PTPRS: variants seen among roughly 807,000 people sequenced by gnomAD.
PTPRS encodes the protein protein tyrosine phosphatase receptor type S, also known as receptor-type tyrosine-protein phosphatase S.
PTPRS carries 63 observed loss-of-function variants against 215.3 expected under a neutral mutation model. The observed-to-expected ratio is 0.29, with a 90% CI of 0.24 to 0.36. The LOEUF (loss-of-function observed/expected upper bound fraction) is 0.36. Among genes scored for constraint, PTPRS ranks in the 10% least tolerant of loss-of-function variants. PTPRS has a pLI of 1.00. For synonymous variants in PTPRS, 1,404 were observed against 1,191.4 expected, an observed-to-expected ratio of 1.18 and a Z score of -3.68; for missense variants, 2,258 against 2,825.8, an observed-to-expected ratio of 0.80 and a Z score of 4.56.
chr19:5,246,139 G>A (rs928912153), intron 9 of PTPRS, 94 bp from the exon 10 acceptor site: 4 of 620,594 alleles, frequency 6.4e-6, no homozygotes, highest in South Asian at 7.0e-5. Context: ...AGGAGAAAAA[G>A]AAAAGCAGGA....
chr19:5,331,461 T>C (rs921407665), intron 1 of PTPRS, among the ~76,000 whole-genome samples: 2 of 152,080 alleles, frequency 1.3e-5, no homozygotes, highest in Admixed American at 1.3e-4. Flanking sequence ...CTCAGCACAG[T>C]GTACATGAGG....
chr19:5,219,820 C>T, intron 22 of PTPRS, 119 bp downstream of exon 22: 3 of 1,194,318 alleles, frequency 2.5e-6, no homozygotes, highest in East Asian at 4.7e-5. Flanking sequence ...TTCCCCTCTG[C>T]CCAGCTCTGA....
chr19:5,264,037 G>A (rs1423246229), intron 5 of PTPRS, among the ~76,000 whole-genome samples: 3 of 152,184 alleles, frequency 2.0e-5, no homozygotes, highest in Non-Finnish European at 4.4e-5. Context: ...GGTGCTTTGT[G>A]GAGACACAAT....
chr19:5,278,180 TG>T, intron 2 of PTPRS: 1 of 76,268 alleles, frequency 1.3e-5, no homozygotes, highest in Non-Finnish European at 2.4e-5. Context: ...ATGTAGAAAC[TG>T]CCAAAAAAAA....
intron 1 of PTPRS, among the ~76,000 whole-genome samples, chr19:5,305,927 A>G (rs1056991224): frequency 9.9e-6 from 1 of 101,452 alleles, no homozygotes; most frequent in African/African-American, 4.1e-5. Flanking sequence ...GCGACAGAGC[A>G]AGACTCCGTC....
intron 1 of PTPRS, among the ~76,000 whole-genome samples, chr19:5,298,963 T>C (rs1350444510): frequency 2.0e-5 from 3 of 152,106 alleles, no homozygotes; most frequent in Admixed American, 6.5e-5. Context: ...CTCACGTTTG[T>C]CTCCTAAATT....
At chr19:5,296,699 A>G (rs2049144513) in intron 1 of PTPRS, among the ~76,000 whole-genome samples, 1 of 134,708 alleles carries the variant, frequency 7.4e-6, no homozygotes, top group African/African-American at 2.6e-5. Context: ...CAGAGTGAGG[A>G]AGGGGAGACA....
intron 2 of PTPRS, among the ~76,000 whole-genome samples, chr19:5,282,729 G>A (rs531930057): frequency 1.1e-3 from 163 of 151,862 alleles, no homozygotes; most frequent in Admixed American, 3.6e-3. Context: ...TTGAACCTGG[G>A]AGGCAGAGGC....
chr19:5,251,323 G>A (rs1028172162), intron 9 of PTPRS, among the ~76,000 whole-genome samples: 3 of 150,820 alleles, frequency 2.0e-5, no homozygotes, highest in Non-Finnish European at 3.0e-5. Flanking sequence ...CTGAGGTAGC[G>A]TGCAAGGCCC....
Position 5,218,400 on chromosome 19 carries a change from T to C in PTPRS, c.4048+20A>G. ...TCTCCCCTGTTGGTGGCATCCCTGGTACCAGGGATAAGTACATACCTGGAG... is the reference window on the plus strand; with the variant it reads ...TCTCCCCTGTTGGTGGCATCCCTGGCACCAGGGATAAGTACATACCTGGAG... On this transcript the variant is annotated intron_variant, in intron 25 of 37. Transcript: ENST00000262963. The C allele has an allele frequency of 6.2e-7, 1 of 1,602,316 alleles. No individual in the cohort carries two copies. Among genetic ancestry groups the C allele is most frequent in the Non-Finnish European group, 8.5e-7 (1 of 1,171,696 alleles).
Position 5,324,226 on chromosome 19 carries a change from CA to C in PTPRS, c.-95+16437del, listed in dbSNP as rs55793961. 8.6e-3 allele frequency among the ~76,000 whole-genome samples: 635 copies of C among 73,852 alleles called. 2 individuals are homozygous for C. The highest frequency in any genetic ancestry group is 0.01 in the African/African-American group (203 of 19,516). The allele number at this position is 73,852 out of a possible 152,430, so 48.4% of individuals were successfully genotyped here. A position where few individuals can be genotyped will look rare whatever the true frequency, so the allele number is the denominator to read the frequency against. ...TGGGAGACAGAGCGAAACCCTGCCT[CA>C]AAAAAAAAAAAAAAAAAAAAAAAAG... is the stretch of plus-strand genomic sequence containing the variant. On this transcript the variant is annotated intron_variant, in intron 1 of 37. Transcript: ENST00000262963.
rs187847421 is a variant in PTPRS at position 5,271,363 on chromosome 19, C to T, written c.379+2079G>A. The stretch of plus-strand genomic sequence containing the variant: ...CTCACTCATCTGGTTCACGGAATTA[C>T]CCCTTGTGGTGAGAACCATTATTAC... On this transcript the variant is annotated intron_variant, in intron 4 of 37. Coordinates refer to ENST00000262963, the MANE Select transcript of PTPRS (RefSeq NM_002850.4). Among the ~76,000 whole-genome samples the T allele has an allele frequency of 2.1e-3, 313 of 152,164 alleles. 2 individuals carry two copies. The highest frequency in any genetic ancestry group is 3.4e-3 in the Non-Finnish European group (233 of 68,000).
At chr19:5,268,643 G>A (rs2046636530) in intron 4 of PTPRS, among the ~76,000 whole-genome samples, 1 of 152,132 alleles carries the variant, frequency 6.6e-6, no homozygotes, top group Non-Finnish European at 1.5e-5. Context: ...TCACTGCTTG[G>A]ATGGGAAAAG....
At position 5,220,285 on chromosome 19, in the gene PTPRS, C is replaced by T; in HGVS notation, c.3524G>A (p.Ser1175Asn). 1.9e-6 allele frequency: 3 copies of T among 1,614,056 alleles called. No individual in the cohort carries two copies. The highest frequency in any genetic ancestry group is 1.3e-5 in the African/African-American group (1 of 75,064). Reference sequence around the variant, plus strand: ...CTCTTCCAGATCCATGTCCTCTGGGCTACCCAGCGGGGTCAGGAATTGGCC... The same window carrying T: ...CTCTTCCAGATCCATGTCCTCTGGGTTACCCAGCGGGGTCAGGAATTGGCC... ...RGGQFLTPLGSPEDMDLEELI... is the reference protein window; with the variant it reads ...RGGQFLTPLGNPEDMDLEELI... The change falls in exon 21 of 38, where the codon AGC becomes AAC. Residue 1175 changes from serine to asparagine, a missense_variant. Ser to Asn is a conservative substitution (Grantham distance 46, BLOSUM62 1). This residue lies in a region of PTPRS where 927 missense variants were observed against 1,125.9 expected (regional missense o/e 0.82). Transcript: ENST00000262963.
At chr19:5,261,955 C>T (rs767715559) in intron 6 of PTPRS, among the ~76,000 whole-genome samples, 16 of 152,136 alleles carry the variant, frequency 1.1e-4, no homozygotes, top group African/African-American at 3.1e-4. Flanking sequence ...ACTGGGATGA[C>T]GATGGTGGAA....
At chr19:5,222,471 G>A (rs1414524066) in intron 18 of PTPRS, among the ~76,000 whole-genome samples, 2 of 151,448 alleles carry the variant, frequency 1.3e-5, no homozygotes, top group Non-Finnish European at 3.0e-5. Flanking sequence ...GAGGGGGGAG[G>A]GGAGCAAGGG....
At chr19:5,211,918 G>C (rs1011156503) in intron 32 of PTPRS, 47 bp downstream of exon 32, 2 of 1,548,856 alleles carry the variant, frequency 1.3e-6, no homozygotes, top group African/African-American at 2.7e-5. Flanking sequence ...TCGGCTCTTT[G>C]GGCCTCCTCC....
chr19:5,331,037 C>T (rs941961498), intron 1 of PTPRS, among the ~76,000 whole-genome samples: 2 of 147,942 alleles, frequency 1.4e-5, no homozygotes, highest in South Asian at 4.3e-4. Context: ...CGTCAGGGAG[C>T]GTGTTGGGTG....
intron 1 of PTPRS, among the ~76,000 whole-genome samples, chr19:5,312,081 A>T (rs2147159681): frequency 6.6e-6 from 1 of 152,034 alleles, no homozygotes; most frequent in Admixed American, 6.5e-5. Flanking sequence ...CCCACATGAC[A>T]TCTCCTGGTT....
Sources: allele counts gnomAD v4.1 joint callset (sites outside exome capture counted in the v4.1 genomes callset), GRCh38; gene constraint gnomAD v4.1.1; regional missense constraint gnomAD v4.1.1; transcripts MANE v1.5; gene names NCBI Gene and HGNC (gene_info 2026-07-23, HGNC 2026-07-21).